Variants in FREM3 observed in about 807,000 individuals in gnomAD.
The protein encoded by FREM3 is FRAS1 related extracellular matrix 3.
In FREM3, 105 loss-of-function variants were observed where a neutral mutation model predicts 129.1. The observed-to-expected ratio is 0.81, with a 90% CI of 0.69 to 0.96. The LOEUF is 0.96. FREM3 is among the 40% of genes least tolerant of loss of function. The pLI, the probability that FREM3 is intolerant of heterozygous loss-of-function variation, is 0.00. For missense variants in FREM3, 2,593 were observed against 2,666.3 expected (o/e 0.97, Z 0.61); for synonymous variants, 1,014 against 1,044.9 (o/e 0.97, Z 0.57).
intron 6 of FREM3, among the ~76,000 whole-genome samples, chr4:143,593,677 G>T (rs558513027): frequency 2.0e-5 from 3 of 152,314 alleles, no homozygotes; most frequent in Admixed American, 1.3e-4. Flanking sequence ...GGCTACTCGG[G>T]GGTCAGGGAC....
chr4:143,671,880 G>C (rs991801068), intron 2 of FREM3, among the ~76,000 whole-genome samples: 3 of 152,294 alleles, frequency 2.0e-5, no homozygotes, highest in South Asian at 2.1e-4. Flanking sequence ...GTGTGAGCAG[G>C]ATCTAAAATT....
rs1739065068 is a variant in FREM3 at position 143,627,667 on chromosome 4, A to T, written c.5369T>A (p.Phe1790Tyr). The T allele has an allele frequency of 6.5e-7, 1 of 1,535,384 alleles. No individual in the cohort carries two copies. Among genetic ancestry groups the T allele is most frequent in the South Asian group, 1.2e-5 (1 of 84,020 alleles). The change falls in exon 3 of 8, where the codon TTC becomes TAC. Residue 1790 changes from phenylalanine to tyrosine, a missense_variant. Phe to Tyr is a conservative substitution (Grantham distance 22). This residue lies in a region of FREM3 where 2,276 missense variants were observed against 2,267.2 expected (regional missense o/e 1.00). Transcript: ENST00000329798. Reference sequence around the variant, plus strand: ...TCTGCGTGTAAGGGTCACTTCTAAGAATGTGGAATCTTCATCCACAATGTA... The same window carrying T: ...TCTGCGTGTAAGGGTCACTTCTAAGTATGTGGAATCTTCATCCACAATGTA... Reference protein sequence around the residue: ...EYYIVDEDSTFLEVTLTRRGY... With the variant: ...EYYIVDEDSTYLEVTLTRRGY...
At chr4:143,578,860 G>C (rs1237059053) in intron 7 of FREM3, among the ~76,000 whole-genome samples, 5 of 152,138 alleles carry the variant, frequency 3.3e-5, no homozygotes, top group Admixed American at 2.6e-4. Flanking sequence ...TATAATGCAT[G>C]ATTTAGAACT....
At chr4:143,645,648 A>G (rs1167768065) in intron 2 of FREM3, among the ~76,000 whole-genome samples, 1 of 151,920 alleles carries the variant, frequency 6.6e-6, no homozygotes, top group Non-Finnish European at 1.5e-5. Context: ...TGTAACATCA[A>G]CTCTTAACTG....
In FREM3 at chr4:143,577,400, C is replaced by T. The variant is rs1738057365; in HGVS notation, c.*211G>A. ...AATAGAAAAAGAACATGAACACAGTCTAATTATTTGTGGGCTCAATGTTTT... is the reference window on the plus strand; with the variant it reads ...AATAGAAAAAGAACATGAACACAGTTTAATTATTTGTGGGCTCAATGTTTT... On this transcript the variant is annotated 3_prime_UTR_variant, in exon 8 of 8. Transcript: ENST00000329798. 1.3e-5 allele frequency: 7 copies of T among 539,678 alleles called. No homozygotes were observed. The allele number at this position is 539,678 out of a possible 1,614,324, so 33.4% of individuals were successfully genotyped here.
chr4:143,649,909 G>T (rs965477911), intron 2 of FREM3, among the ~76,000 whole-genome samples: 1 of 152,196 alleles, frequency 6.6e-6, no homozygotes, highest in Non-Finnish European at 1.5e-5. Context: ...TCAATTGGTT[G>T]TTCAAATTGA....
chr4:143,648,083 A>G (rs772818712), intron 2 of FREM3, among the ~76,000 whole-genome samples: 4 of 152,232 alleles, frequency 2.6e-5, no homozygotes, highest in Non-Finnish European at 4.4e-5. Context: ...GATGTGAGAC[A>G]TAGAGTCAAA....
intron 6 of FREM3, among the ~76,000 whole-genome samples, chr4:143,589,168 A>C (rs1738304689): frequency 6.6e-6 from 1 of 152,026 alleles, no homozygotes; most frequent in South Asian, 2.1e-4. Context: ...AGGTTGCAAA[A>C]ATTTTCGCCC....
At chr4:143,665,727 G>C (rs1003502060) in intron 2 of FREM3, among the ~76,000 whole-genome samples, 9 of 152,076 alleles carry the variant, frequency 5.9e-5, no homozygotes, top group Non-Finnish European at 1.2e-4. Flanking sequence ...CTATGCAAGA[G>C]ATACAAATTG....
chr4:143,647,222 T>C (rs1456327252), intron 2 of FREM3, among the ~76,000 whole-genome samples: 1 of 146,578 alleles, frequency 6.8e-6, no homozygotes, highest in Non-Finnish European at 1.5e-5. Context: ...ACTTCAGAGA[T>C]ATGATTTAAG....
At chr4:143,607,637 G>A (rs1738689521) in intron 6 of FREM3, among the ~76,000 whole-genome samples, 1 of 152,096 alleles carries the variant, frequency 6.6e-6, no homozygotes, top group South Asian at 2.1e-4. Context: ...AGCAGAGAAG[G>A]CTGTATTTTC....
intron 2 of FREM3, among the ~76,000 whole-genome samples, chr4:143,676,124 T>C (rs1210466285): frequency 6.6e-6 from 1 of 152,184 alleles, no homozygotes; most frequent in Non-Finnish European, 1.5e-5. Context: ...CTGATGAACA[T>C]TGATGCAAAA....
intron 2 of FREM3, among the ~76,000 whole-genome samples, chr4:143,682,244 A>C (rs1259020302): frequency 1.3e-5 from 2 of 152,078 alleles, no homozygotes; most frequent in Non-Finnish European, 2.9e-5. Context: ...GAAAATCCTA[A>C]TTTTCCAGGC....
At chr4:143,637,163 T>G (rs1739246011) in intron 2 of FREM3, among the ~76,000 whole-genome samples, 1 of 152,216 alleles carries the variant, frequency 6.6e-6, no homozygotes, top group Admixed American at 6.5e-5. Context: ...CATTGTCATT[T>G]GGAAAATGCT....
intron 6 of FREM3, among the ~76,000 whole-genome samples, chr4:143,594,640 T>A (rs2149835907): frequency 6.6e-6 from 1 of 152,284 alleles, no homozygotes; most frequent in South Asian, 2.1e-4. Context: ...GTGAGAAAGG[T>A]AAAAAACATT....
chr4:143,691,896 T>A (rs1440621465), intron 2 of FREM3, among the ~76,000 whole-genome samples: 1 of 152,196 alleles, frequency 6.6e-6, no homozygotes, highest in African/African-American at 2.4e-5. Flanking sequence ...TTGTCTTACA[T>A]TTATTTATGA....
At position 143,613,247 on chromosome 4, in the gene FREM3, G is replaced by T. The variant is rs147240357; in HGVS notation, c.5780-1720C>A. Among the ~76,000 whole-genome samples the T allele has an allele frequency of 2.6e-3, 396 of 152,342 alleles. 2 individuals are homozygous for T. Among genetic ancestry groups the T allele is most frequent in the African/African-American group, 8.8e-3 (365 of 41,582 alleles). On this transcript the variant is annotated intron_variant, in intron 5 of 7. Coordinates refer to ENST00000329798, the MANE Select transcript of FREM3 (RefSeq NM_001168235.2). The stretch of plus-strand genomic sequence containing the variant: ...TGGAGAGTTGATGAGAACAAAATGT[G>T]TTTGCTAGGGCAGAGGGCAGAAACT...
chr4:143,593,876 G>T lies in FREM3; in HGVS notation c.6029-7883C>A, dbSNP rs904327075. ...GGCAGGCCTCCTTGAGCTGTGGTGG[G>T]CTCTACCCAGTTTGAGCTTTCCAGC... On this transcript the variant is annotated intron_variant, in intron 6 of 7. Transcript: ENST00000329798. Among the ~76,000 whole-genome samples, 24 of 152,342 alleles carry T rather than the reference G, an allele frequency of 1.6e-4. No homozygotes were observed. The East Asian group carries it at 2.3e-3, about 15-fold the overall frequency.
chr4:143,624,045 A>G lies in FREM3; in HGVS notation c.5653+63T>C. 6.5e-6 allele frequency: 6 copies of G among 916,658 alleles called. No homozygotes were observed. The South Asian group carries it at 8.7e-5, about 13-fold the overall frequency. The allele number at this position is 916,658 out of a possible 1,614,324, so 56.8% of individuals were successfully genotyped here. On this transcript the variant is annotated intron_variant, in intron 4 of 7. Coordinates refer to ENST00000329798, the MANE Select transcript of FREM3 (RefSeq NM_001168235.2). ...CTTACAGAGCCTGAGGGAAGTATGA[A>G]TGCTGGAAATGGAGCCAAGAACCTG... is the stretch of plus-strand genomic sequence containing the variant.
Sources: allele counts gnomAD v4.1 joint callset (sites outside exome capture counted in the v4.1 genomes callset), GRCh38; gene constraint gnomAD v4.1.1; regional missense constraint gnomAD v4.1.1; transcripts MANE v1.5; gene names NCBI Gene and HGNC (gene_info 2026-07-23, HGNC 2026-07-21).